The following SLC6A3 variants were observed in gnomAD, a reference collection of about 807,000 sequenced individuals.
SLC6A3 encodes solute carrier family 6 member 3, also known as sodium-dependent dopamine transporter.
A neutral mutation model predicts 70.4 loss-of-function variants in SLC6A3; 19 were observed. That is an observed-to-expected ratio of 0.27 (90% CI 0.19 to 0.40). SLC6A3 has a LOEUF of 0.40. SLC6A3 is among the 10% of genes least tolerant of loss of function. SLC6A3 has a pLI of 1.00. For synonymous variants in SLC6A3, 368 were observed against 356.6 expected, an observed-to-expected ratio of 1.03 and a Z score of -0.36; for missense variants, 613 against 838.5, an observed-to-expected ratio of 0.73 and a Z score of 3.32.
In SLC6A3 at chr5:1,414,932, G is replaced by A. The variant is rs1756247597; in HGVS notation, c.1032-117C>T. On this transcript the variant is annotated intron_variant, in intron 7 of 14. Transcript: ENST00000270349. ...AAGGGGGCGGGAGGTCTTCGGAGGGGCTACTTTTCCCAGTGAGCACGGCCA... is the reference window on the plus strand; with the variant it reads ...AAGGGGGCGGGAGGTCTTCGGAGGGACTACTTTTCCCAGTGAGCACGGCCA... 4 of 1,347,988 alleles carry A rather than the reference G, an allele frequency of 3.0e-6. No homozygotes were observed. In the South Asian group the frequency reaches 3.6e-5, roughly 12 times the overall value. The allele number at this position is 1,347,988 out of a possible 1,614,324, so 83.5% of individuals were successfully genotyped here.
At position 1,394,480 on chromosome 5, in the gene SLC6A3, GACA is replaced by G; in HGVS notation, c.*252_*254del. On this transcript the variant is annotated 3_prime_UTR_variant, in exon 15 of 15. Coordinates refer to ENST00000270349, the MANE Select transcript of SLC6A3 (RefSeq NM_001044.5). The surrounding 1 kb of genome is among the most constrained non-coding windows in gnomAD (Gnocchi z 4.7). ...GTTAGACGTTTTTCTGCCCTGCAGG[GACA>G]ACAACGGGGTGGACCTCGCTGCACA... 1.7e-6 allele frequency: 1 copy of G among 605,236 alleles called. No homozygotes were observed. Among genetic ancestry groups the G allele is most frequent in the South Asian group, 2.0e-5 (1 of 51,256 alleles). 37.5% of individuals were successfully genotyped at this position (605,236 alleles called of 1,614,324 possible).
chr5:1,405,177 G>T lies in SLC6A3; in HGVS notation c.1599+1011C>A, dbSNP rs557313916. ...CACTTACGTGCAGCCACACCACGCG[G>T]CCTGGAGCTCAGACACGGTGGAATT... On this transcript the variant is annotated intron_variant, in intron 12 of 14. Coordinates refer to ENST00000270349, the MANE Select transcript of SLC6A3 (RefSeq NM_001044.5). The surrounding 1 kb of genome is among the most constrained non-coding windows in gnomAD (Gnocchi z 5.3). Among the ~76,000 whole-genome samples the T allele has an allele frequency of 6.6e-6, 1 of 152,358 alleles. No individual in the cohort carries two copies. The highest frequency in any genetic ancestry group is 2.4e-5 in the African/African-American group (1 of 41,580).
chr5:1,441,323 G>T, intron 3 of SLC6A3, 36 bp downstream of exon 3: 3 of 1,613,352 alleles, frequency 1.9e-6, no homozygotes, highest in Non-Finnish European at 2.5e-6. Flanking sequence ...CATGATCCGC[G>T]CTGCGCCAGG....
At position 1,394,618 on chromosome 5, in the gene SLC6A3, C is replaced by G. The variant is rs1482079186; in HGVS notation, c.*117G>C. On this transcript the variant is annotated 3_prime_UTR_variant, in exon 15 of 15. Coordinates refer to ENST00000270349, the MANE Select transcript of SLC6A3 (RefSeq NM_001044.5). The surrounding 1 kb of genome is among the most constrained non-coding windows in gnomAD (Gnocchi z 4.7). ...TCTTCTGCTTTGTTGTTTGTGTTTT[C>G]AGTAGAGGTTGAAGAGTAGAAGTTG... is the stretch of plus-strand genomic sequence containing the variant. The G allele has an allele frequency of 8.1e-6, 8 of 993,666 alleles. No homozygotes were observed. The highest frequency in any genetic ancestry group is 1.1e-5 in the Non-Finnish European group (7 of 615,654). The allele number at this position is 993,666 out of a possible 1,614,324, so 61.6% of individuals were successfully genotyped here.
rs1269503365 is a variant in SLC6A3, at chr5:1,401,644, C to G, written c.1768-658G>C. On this transcript the variant is annotated intron_variant, in intron 13 of 14. Transcript: ENST00000270349. The surrounding 1 kb of genome is among the most constrained non-coding windows in gnomAD (Gnocchi z 6.1). ...GTCATCACCACAATTCCACTTGTACCTGGCTCAGCTGCTGAGGTTTTACTT... is the reference window on the plus strand; with the variant it reads ...GTCATCACCACAATTCCACTTGTACGTGGCTCAGCTGCTGAGGTTTTACTT... Among the ~76,000 whole-genome samples the G allele has an allele frequency of 1.3e-5, 2 of 152,230 alleles. No individual in the cohort carries two copies. Among genetic ancestry groups the G allele is most frequent in the Non-Finnish European group, 2.9e-5 (2 of 68,034 alleles).
chr5:1,408,281 A>G lies in SLC6A3; in HGVS notation c.1498+745T>C, dbSNP rs2126336622. ...ATGGTCTTGATCTCTTGATCTCGTG[A>G]TCTGCCCACCTCGGCCTCCCAAAGT... On this transcript the variant is annotated intron_variant, in intron 11 of 14. Transcript: ENST00000270349. This position sits in a 1 kb window ranked among gnomAD's most constrained non-coding sequence, Gnocchi z 6.4. 7.0e-6 allele frequency among the ~76,000 whole-genome samples: 1 copy of G among 143,634 alleles called. No individual in the cohort carries two copies. Among genetic ancestry groups the G allele is most frequent in the African/African-American group, 2.6e-5 (1 of 37,836 alleles). 94.2% of individuals were successfully genotyped at this position (143,634 alleles called of 152,430 possible).
rs1390131036 is a variant in SLC6A3 at position 1,442,938 on chromosome 5, G to A, written c.260C>T (p.Pro87Leu). The A allele has an allele frequency of 6.2e-7, 1 of 1,614,226 alleles. No individual in the cohort carries two copies. The highest frequency in any genetic ancestry group is 1.7e-5 in the Admixed American group (1 of 60,036). Residue 87 changes from proline to leucine, a missense_variant, in exon 2 of 15, where the codon CCC becomes CTC. Transcript: ENST00000270349. The surrounding 1 kb of genome is among the most constrained non-coding windows in gnomAD (Gnocchi z 5.0). ...AVDLANVWRF[P>L]YLCYKNGGGA... ...GCCACCATTTTTGTAGCACAGGTAG[G>A]GGAACCGCCAGACGTTGGCCAGGTC...
At chr5:1,417,798 G>A (rs1756342905) in intron 6 of SLC6A3, among the ~76,000 whole-genome samples, 1 of 152,218 alleles carries the variant, frequency 6.6e-6, no homozygotes. Context: ...CATGGTACAG[G>A]CCTGTGGGCC....
chr5:1,414,642 G>T, intron 8 of SLC6A3, 49 bp downstream of exon 8: 1 of 1,605,338 alleles, frequency 6.2e-7, no homozygotes, highest in South Asian at 1.1e-5. Flanking sequence ...CTGAGAGCTC[G>T]GCGCTGGTGC....
intron 1 of SLC6A3, 131 bp from the exon 2 acceptor site, chr5:1,443,373 C>A: frequency 1.4e-6 from 1 of 738,984 alleles, no homozygotes; most frequent in African/African-American, 1.7e-5. Context: ...GGGATGGGTG[C>A]GTTCTCAGCG....
In SLC6A3 at chr5:1,408,269, C is replaced by T. The variant is rs941927236; in HGVS notation, c.1498+757G>A. ...ATGTTGGCCAGGATGGTCTTGATCT[C>T]TTGATCTCGTGATCTGCCCACCTCG... is the stretch of plus-strand genomic sequence containing the variant. On this transcript the variant is annotated intron_variant, in intron 11 of 14. Transcript: ENST00000270349. The surrounding 1 kb of genome is among the most constrained non-coding windows in gnomAD (Gnocchi z 6.4). 1.4e-5 allele frequency among the ~76,000 whole-genome samples: 2 copies of T among 143,042 alleles called. No individual in the cohort carries two copies. Among genetic ancestry groups the T allele is most frequent in the African/African-American group, 5.3e-5 (2 of 37,744 alleles). 93.8% of individuals were successfully genotyped at this position (143,042 alleles called of 152,430 possible).
At position 1,404,974 on chromosome 5, in the gene SLC6A3, T is replaced by C. The variant is rs970237600; in HGVS notation, c.1599+1214A>G. On this transcript the variant is annotated intron_variant, in intron 12 of 14. Transcript: ENST00000270349. The surrounding 1 kb of genome is among the most constrained non-coding windows in gnomAD (Gnocchi z 5.2). ...AGCCAACGTCCTCATGCAAAACAGCTCAGTTTCAACTAATGGCGGGGGAGA... is the reference window on the plus strand; with the variant it reads ...AGCCAACGTCCTCATGCAAAACAGCCCAGTTTCAACTAATGGCGGGGGAGA... 6.6e-6 allele frequency among the ~76,000 whole-genome samples: 1 copy of C among 152,170 alleles called. No homozygotes were observed. The highest frequency in any genetic ancestry group is 1.5e-5 in the Non-Finnish European group (1 of 68,036).
At position 1,411,081 on chromosome 5, in the gene SLC6A3, A is replaced by G. The variant is rs1756110040; in HGVS notation, c.1269+162T>C. Among the ~76,000 whole-genome samples the G allele has an allele frequency of 6.6e-6, 1 of 152,084 alleles. No homozygotes were observed. The highest frequency in any genetic ancestry group is 1.5e-5 in the Non-Finnish European group (1 of 68,004). On this transcript the variant is annotated intron_variant, in intron 9 of 14. Transcript: ENST00000270349. This position sits in a 1 kb window ranked among gnomAD's most constrained non-coding sequence, Gnocchi z 6.5. ...GTCACCACTCACTCCAGCCCCGAGA[A>G]AGGTCTCCCAAATAATCACGGGGCT...
intron 6 of SLC6A3, chr5:1,416,542 G>T: frequency 2.3e-6 from 1 of 440,406 alleles, no homozygotes; most frequent in South Asian, 2.1e-5. Flanking sequence ...CATGACCACA[G>T]CATCCTAATA....
At chr5:1,416,025 ACC>A (rs2126357625) in intron 7 of SLC6A3, 71 bp downstream of exon 7, 1 of 1,132,492 alleles carries the variant, frequency 8.8e-7, no homozygotes, top group East Asian at 2.4e-5. Flanking sequence ...ATCCAGGGAC[ACC>A]CTATTTCTGG....
At position 1,442,457 on chromosome 5, in the gene SLC6A3, G is replaced by C. The variant is rs114846454; in HGVS notation, c.286+455C>G. On this transcript the variant is annotated intron_variant, in intron 2 of 14. Coordinates refer to ENST00000270349, the MANE Select transcript of SLC6A3 (RefSeq NM_001044.5). This position sits in a 1 kb window ranked among gnomAD's most constrained non-coding sequence, Gnocchi z 5.0. ...ATCTTCGCTTTCTGGCTCTGTGGCTGGGTTCTGGAGGGTGCAGGGGACACA... is the reference window on the plus strand; with the variant it reads ...ATCTTCGCTTTCTGGCTCTGTGGCTCGGTTCTGGAGGGTGCAGGGGACACA... 0.018 allele frequency among the ~76,000 whole-genome samples: 2,694 copies of C among 152,316 alleles called. 81 individuals carry two copies. Among genetic ancestry groups the C allele is most frequent in the African/African-American group, 0.062 (2,585 of 41,556 alleles).
intron 6 of SLC6A3, among the ~76,000 whole-genome samples, chr5:1,419,912 A>C (rs1756395230): frequency 6.7e-6 from 1 of 148,276 alleles, no homozygotes; most frequent in African/African-American, 2.5e-5. Flanking sequence ...ATGCCCGCCC[A>C]TCCCTTCTCC....
chr5:1,415,963 A>C (rs947917049), intron 7 of SLC6A3, 135 bp downstream of exon 7: 6 of 721,664 alleles, frequency 8.3e-6, no homozygotes, highest in Non-Finnish European at 1.0e-5. Context: ...CTTCTGTCTG[A>C]AAGGCCACGC....
chr5:1,429,801 A>T (rs1005756548), intron 4 of SLC6A3, among the ~76,000 whole-genome samples: 4 of 152,122 alleles, frequency 2.6e-5, no homozygotes, highest in African/African-American at 9.7e-5. Flanking sequence ...ATCACATGCT[A>T]ACCCTGAGAG....
Sources: gnomAD v4.1 joint callset for allele counts (sites outside exome capture counted in the v4.1 genomes callset) on GRCh38, gnomAD v4.1.1 for gene constraint, Gnocchi (gnomAD v3.1) non-coding constraint, MANE v1.5 for transcripts, NCBI Gene and HGNC (gene_info 2026-07-23, HGNC 2026-07-21) for gene names.